Variants in SHANK2 observed in about 807,000 individuals in gnomAD.
SHANK2 encodes SH3 and multiple ankyrin repeat domains protein 2.
SHANK2 carries 43 observed loss-of-function variants against 133.7 expected under a neutral mutation model. The ratio of observed to expected loss-of-function variants is 0.32; its 90% CI spans 0.25 to 0.41. The LOEUF is 0.41. Among genes scored for constraint, SHANK2 ranks in the 10% least tolerant of loss-of-function variants. The pLI, the probability that SHANK2 is intolerant of heterozygous loss-of-function variation, is 1.00. For synonymous variants in SHANK2, 1,017 were observed against 952.8 expected, an observed-to-expected ratio of 1.07 and a Z score of -1.24; for missense variants, 1,994 against 2,235.8, an observed-to-expected ratio of 0.89 and a Z score of 2.18.
intron 14 of SHANK2, among the ~76,000 whole-genome samples, chr11:70,751,472 C>T (rs1555037419): frequency 1.3e-5 from 2 of 152,068 alleles, no homozygotes; most frequent in African/African-American, 4.8e-5. Flanking sequence ...GAAGCAAAAC[C>T]AAGAACATTT....
intron 17 of SHANK2, among the ~76,000 whole-genome samples, chr11:70,592,008 G>A (rs1009734701): frequency 6.6e-6 from 1 of 151,888 alleles, no homozygotes; most frequent in Non-Finnish European, 1.5e-5. Context: ...ACTCCAGTCT[G>A]GGCGATAGAG....
At chr11:70,640,317 AGAG>A (rs2061160687) in intron 17 of SHANK2, among the ~76,000 whole-genome samples, 2 of 152,300 alleles carry the variant, frequency 1.3e-5, no homozygotes, top group South Asian at 4.1e-4. Flanking sequence ...AGAATCGCAG[AGAG>A]GAGAAGGCCA....
chr11:70,813,051 T>C (rs57491950), intron 12 of SHANK2, among the ~76,000 whole-genome samples: 2,112 of 152,216 alleles, frequency 0.014, 49 homozygotes, highest in African/African-American at 0.048. Context: ...CAGCAAGTAC[T>C]CTGCGGGTGG....
intron 14 of SHANK2, among the ~76,000 whole-genome samples, chr11:70,751,129 T>A (rs1217243386): frequency 2.6e-5 from 4 of 152,114 alleles, no homozygotes; most frequent in African/African-American, 9.7e-5. Flanking sequence ...ATAGAAATTA[T>A]CCAATCTGAA....
At chr11:71,088,978 C>T (rs1401741782) in intron 8 of SHANK2, among the ~76,000 whole-genome samples, 1 of 151,168 alleles carries the variant, frequency 6.6e-6, no homozygotes, top group Non-Finnish European at 1.5e-5. Context: ...GGGGCCTCCC[C>T]TCATCCTGAA....
intron 11 of SHANK2, among the ~76,000 whole-genome samples, chr11:70,871,530 G>C (rs1555070181): frequency 2.6e-5 from 4 of 152,242 alleles, no homozygotes; most frequent in Non-Finnish European, 5.9e-5. Flanking sequence ...TGAGCCCCTG[G>C]AGGGAGAGGC....
At chr11:71,197,681 C>T (rs930691101) in intron 2 of SHANK2, among the ~76,000 whole-genome samples, 2 of 152,208 alleles carry the variant, frequency 1.3e-5, no homozygotes, top group East Asian at 1.9e-4. Flanking sequence ...GACAGAGTCT[C>T]GCTCTGTCGC....
chr11:70,701,075 C>A (rs1945507533), intron 14 of SHANK2, among the ~76,000 whole-genome samples: 1 of 152,186 alleles, frequency 6.6e-6, no homozygotes, highest in African/African-American at 2.4e-5. Context: ...TGGGTGCTAC[C>A]AGCTGATTGG....
intron 4 of SHANK2, among the ~76,000 whole-genome samples, chr11:71,115,408 G>A (rs1951959320): frequency 2.0e-5 from 3 of 152,200 alleles, no homozygotes; most frequent in South Asian, 2.1e-4. Context: ...GGCAGAGGCT[G>A]CAGTGAGCCG....
intron 17 of SHANK2, among the ~76,000 whole-genome samples, chr11:70,589,953 A>G (rs2060300339): frequency 6.6e-6 from 1 of 152,202 alleles, no homozygotes; most frequent in Non-Finnish European, 1.5e-5. Flanking sequence ...GGAGATCAAG[A>G]CCATCCTGGC....
At chr11:71,070,868 G>C (rs886360712) in intron 9 of SHANK2, among the ~76,000 whole-genome samples, 6 of 152,208 alleles carry the variant, frequency 3.9e-5, no homozygotes, top group African/African-American at 1.4e-4. Context: ...GGCCCGAGGT[G>C]GGGAGAGGAT....
At chr11:71,071,407 G>A (rs983846999) in intron 9 of SHANK2, among the ~76,000 whole-genome samples, 12 of 152,218 alleles carry the variant, frequency 7.9e-5, no homozygotes, top group Admixed American at 7.9e-4. Flanking sequence ...CCACCCAACC[G>A]CAGCTATGAA....
At chr11:70,546,084 ATTT>A (rs1554976336) in intron 17 of SHANK2, among the ~76,000 whole-genome samples, 1 of 134,312 alleles carries the variant, frequency 7.4e-6, no homozygotes, top group Non-Finnish European at 1.6e-5. Flanking sequence ...TTTTTTATAA[ATTT>A]ATTTATTTAA....
rs367913415 is a variant in SHANK2 at position 70,930,659 on chromosome 11, C to CTTTT, written c.1108-34096_1108-34093dup. ...TTTTCTCTTGTTTTTATTTCTTTGT[C>CTTTT]TTTTTTTTTTCTTTTTTTTTTTGAG... On this transcript the variant is annotated intron_variant, in intron 10 of 25. Coordinates refer to ENST00000601538, the MANE Select transcript of SHANK2 (RefSeq NM_012309.5). Among the ~76,000 whole-genome samples the CTTTT allele has an allele frequency of 1.5e-4, 17 of 114,190 alleles. 2 individuals are homozygous for CTTTT. Among genetic ancestry groups the CTTTT allele is most frequent in the South Asian group, 3.0e-4 (1 of 3,322 alleles). The allele number at this position is 114,190 out of a possible 152,430, so 74.9% of individuals were successfully genotyped here. A position where few individuals can be genotyped will look rare whatever the true frequency, so the allele number is the denominator to read the frequency against.
intron 2 of SHANK2, among the ~76,000 whole-genome samples, chr11:71,217,294 T>C (rs2135713988): frequency 6.6e-6 from 1 of 151,874 alleles, no homozygotes; most frequent in East Asian, 1.9e-4. Flanking sequence ...TCACTTGAGG[T>C]GAGGAGTTTG....
At chr11:70,475,739 G>A (rs552509407) in intron 25 of SHANK2, among the ~76,000 whole-genome samples, 1 of 152,208 alleles carries the variant, frequency 6.6e-6, no homozygotes, top group African/African-American at 2.4e-5. Flanking sequence ...GGGTGTTCAC[G>A]TGCTATTTTC....
chr11:71,146,924 G>A (rs782191357), intron 3 of SHANK2, among the ~76,000 whole-genome samples, 196 bp downstream of exon 3: 4 of 152,194 alleles, frequency 2.6e-5, no homozygotes, highest in Non-Finnish European at 5.9e-5. Flanking sequence ...TGTGAGGCCA[G>A]CGGCAGCAGG....
At chr11:70,835,336 A>C (rs1285455480) in intron 11 of SHANK2, among the ~76,000 whole-genome samples, 1 of 152,296 alleles carries the variant, frequency 6.6e-6, no homozygotes, top group East Asian at 1.9e-4. Context: ...TTATGTGCTG[A>C]GACGTGCTCC....
chr11:70,695,134 C>T (rs1378120028), intron 15 of SHANK2, among the ~76,000 whole-genome samples: 1 of 152,112 alleles, frequency 6.6e-6, no homozygotes, highest in Non-Finnish European at 1.5e-5. Context: ...AGAAAGTAGA[C>T]AGGTGGGGGC....
Sources: allele counts gnomAD v4.1 joint callset (sites outside exome capture counted in the v4.1 genomes callset), GRCh38; gene constraint gnomAD v4.1.1; transcripts MANE v1.5; gene names NCBI Gene and HGNC (gene_info 2026-07-23, HGNC 2026-07-21).